Variants in EFNA5 observed in about 807,000 individuals in gnomAD.
EFNA5 encodes the protein ephrin A5, also known as ephrin-A5.
A neutral mutation model predicts 22.9 loss-of-function variants in EFNA5; 5 were observed. The ratio of observed to expected loss-of-function variants is 0.22; its 90% CI spans 0.11 to 0.46. EFNA5 has a LOEUF of 0.46. Among genes scored for constraint, EFNA5 ranks in the 20% least tolerant of loss-of-function variants. The pLI is 0.99. For missense variants in EFNA5, 237 were observed against 293.3 expected (o/e 0.81, Z 1.40); for synonymous variants, 113 against 112.2 (o/e 1.01, Z -0.04).
At chr5:107,557,403 A>T (rs1338366619) in intron 1 of EFNA5, among the ~76,000 whole-genome samples, 1 of 151,998 alleles carries the variant, frequency 6.6e-6, no homozygotes, top group Non-Finnish European at 1.5e-5. Context: ...GGTGGCAGGC[A>T]TCCTAGCTTG....
intron 1 of EFNA5, among the ~76,000 whole-genome samples, chr5:107,538,673 G>C (rs1345226178): frequency 6.6e-6 from 1 of 152,206 alleles, no homozygotes; most frequent in African/African-American, 2.4e-5. Context: ...GGTGGTGTAA[G>C]CCATTGGAGA....
chr5:107,669,613 C>T (rs1387083764), intron 1 of EFNA5, among the ~76,000 whole-genome samples: 1 of 151,764 alleles, frequency 6.6e-6, no homozygotes, highest in Non-Finnish European at 1.5e-5. Context: ...AGGACCGCCC[C>T]CGGCGCCCAC....
intron 1 of EFNA5, among the ~76,000 whole-genome samples, chr5:107,483,233 G>A (rs544398261): frequency 6.6e-6 from 1 of 151,954 alleles, no homozygotes; most frequent in South Asian, 2.1e-4. Flanking sequence ...TGGGGAGAGG[G>A]GATATAAATA....
chr5:107,662,655 G>A (rs1750986261), intron 1 of EFNA5, among the ~76,000 whole-genome samples: 1 of 151,992 alleles, frequency 6.6e-6, no homozygotes, highest in South Asian at 2.1e-4. Flanking sequence ...GTGATAGGAA[G>A]AGCCTATATT....
chr5:107,650,714 A>G (rs1750711727), intron 1 of EFNA5, among the ~76,000 whole-genome samples: 1 of 152,222 alleles, frequency 6.6e-6, no homozygotes, highest in Non-Finnish European at 1.5e-5. Flanking sequence ...TAAATTCTAA[A>G]ACTTTTATTC....
At position 107,653,568 on chromosome 5, in the gene EFNA5, C is replaced by G. The variant is rs567280824; in HGVS notation, c.125+16921G>C. On this transcript the variant is annotated intron_variant, in intron 1 of 4. Transcript: ENST00000333274. Reference sequence around the variant, plus strand: ...TGGAGGCACTGTTTTAAAGCTCCTTCCAAGCACAACTCAACAGGGGGAGTC... The same window carrying G: ...TGGAGGCACTGTTTTAAAGCTCCTTGCAAGCACAACTCAACAGGGGGAGTC... 3.9e-5 allele frequency among the ~76,000 whole-genome samples: 6 copies of G among 152,272 alleles called. No individual in the cohort carries two copies. In the South Asian group the frequency reaches 1.2e-3, roughly 32 times the overall value.
At chr5:107,564,033 C>A (rs1338700292) in intron 1 of EFNA5, among the ~76,000 whole-genome samples, 3 of 152,148 alleles carry the variant, frequency 2.0e-5, no homozygotes, top group Non-Finnish European at 4.4e-5. Context: ...GTGGTCTCAA[C>A]TACTGTGCTC....
At chr5:107,425,387 T>C (rs1205992346) in intron 2 of EFNA5, among the ~76,000 whole-genome samples, 1 of 152,208 alleles carries the variant, frequency 6.6e-6, no homozygotes, top group Admixed American at 6.5e-5. Flanking sequence ...ATTTCAAAAC[T>C]AGCAAGAATT....
At chr5:107,397,797 C>A (rs763932391) in intron 2 of EFNA5, among the ~76,000 whole-genome samples, 1 of 152,070 alleles carries the variant, frequency 6.6e-6, no homozygotes, top group Non-Finnish European at 1.5e-5. Context: ...TCGTTAGATA[C>A]CAGGATTGTA....
intron 1 of EFNA5, among the ~76,000 whole-genome samples, chr5:107,654,850 T>C (rs1250041947): frequency 6.6e-6 from 1 of 152,118 alleles, no homozygotes; most frequent in African/African-American, 2.4e-5. Context: ...TCTAAATTCA[T>C]CACATGCACT....
chr5:107,474,483 C>A (rs1015017037), intron 1 of EFNA5, among the ~76,000 whole-genome samples: 1 of 151,872 alleles, frequency 6.6e-6, no homozygotes, highest in African/African-American at 2.4e-5. Flanking sequence ...TAAAAATTTC[C>A]CAGAGGATCA....
chr5:107,583,196 A>G lies in EFNA5; in HGVS notation c.125+87293T>C, dbSNP rs1005726971. ...TGAGAGGAAAGGTAGCTTAACATCA[A>G]TCAGTTCTCAATGTCCTAAGAGTGA... is the stretch of plus-strand genomic sequence containing the variant. On this transcript the variant is annotated intron_variant, in intron 1 of 4. Coordinates refer to ENST00000333274, the MANE Select transcript of EFNA5 (RefSeq NM_001962.3). 3.9e-5 allele frequency among the ~76,000 whole-genome samples: 6 copies of G among 152,174 alleles called. No individual in the cohort carries two copies. The East Asian group carries it at 1.2e-3, about 29-fold the overall frequency.
intron 1 of EFNA5, among the ~76,000 whole-genome samples, chr5:107,637,916 G>C (rs540987452): frequency 3.3e-5 from 5 of 151,400 alleles, no homozygotes; most frequent in African/African-American, 1.2e-4. Context: ...GCACTATCTC[G>C]GCTAACTGCA....
chr5:107,491,200 G>T (rs750505160), intron 1 of EFNA5, among the ~76,000 whole-genome samples: 1 of 152,156 alleles, frequency 6.6e-6, no homozygotes, highest in Non-Finnish European at 1.5e-5. Context: ...CCAACGACAG[G>T]ACAAGTCCCC....
chr5:107,517,146 T>A (rs1433843772), intron 1 of EFNA5, among the ~76,000 whole-genome samples: 1 of 148,792 alleles, frequency 6.7e-6, no homozygotes, highest in Admixed American at 6.7e-5. Context: ...TACATCTCAA[T>A]AACACTGTTA....
rs1242987440 is a variant in EFNA5 at position 107,511,358 on chromosome 5, C to T, written c.126-83849G>A. On this transcript the variant is annotated intron_variant, in intron 1 of 4. Transcript: ENST00000333274. Reference sequence around the variant, plus strand: ...TGCATTTCTAAATATAAAATCCCCACGAAGTTTGAAAAGATGATGAGATCA... The same window carrying T: ...TGCATTTCTAAATATAAAATCCCCATGAAGTTTGAAAAGATGATGAGATCA... Among the ~76,000 whole-genome samples, 7 of 151,832 alleles carry T rather than the reference C, an allele frequency of 4.6e-5. No individual in the cohort carries two copies. In the South Asian group the frequency reaches 6.2e-4, roughly 14 times the overall value.
chr5:107,523,529 G>A (rs1391320908), intron 1 of EFNA5, among the ~76,000 whole-genome samples: 1 of 152,206 alleles, frequency 6.6e-6, no homozygotes, highest in Non-Finnish European at 1.5e-5. Context: ...CCATGAGTGT[G>A]TGCCTTTCGG....
chr5:107,659,384 T>C (rs905144449), intron 1 of EFNA5, among the ~76,000 whole-genome samples: 2 of 152,058 alleles, frequency 1.3e-5, no homozygotes, highest in Admixed American at 1.3e-4. Context: ...ATGGCGTGGA[T>C]GACTGAAATC....
rs141569238 is a variant in EFNA5, at chr5:107,633,182, A to G, written c.125+37307T>C. ...GAGTCATTTGTTATCCTTAATACCAATGGGGTCAAGACTCATGGTCCTTTC... is the reference window on the plus strand; with the variant it reads ...GAGTCATTTGTTATCCTTAATACCAGTGGGGTCAAGACTCATGGTCCTTTC... On this transcript the variant is annotated intron_variant, in intron 1 of 4. Coordinates refer to ENST00000333274, the MANE Select transcript of EFNA5 (RefSeq NM_001962.3). Among the ~76,000 whole-genome samples, 472 of 152,270 alleles carry G rather than the reference A, an allele frequency of 3.1e-3. 4 individuals carry two copies. Among genetic ancestry groups the G allele is most frequent in the African/African-American group, 9.9e-3 (413 of 41,566 alleles).
Sources: gnomAD v4.1 joint callset for allele counts (sites outside exome capture counted in the v4.1 genomes callset) on GRCh38, gnomAD v4.1.1 for gene constraint, MANE v1.5 for transcripts, NCBI Gene and HGNC (gene_info 2026-07-23, HGNC 2026-07-21) for gene names.